Variants in SKAP2 observed in about 807,000 individuals in gnomAD.
SKAP2 encodes the protein src kinase associated phosphoprotein 2, also known as src kinase-associated phosphoprotein 2.
Under a neutral mutation model 54.9 loss-of-function variants are expected in SKAP2, and 28 were observed. The ratio of observed to expected loss-of-function variants is 0.51; its 90% CI spans 0.38 to 0.70. The LOEUF (loss-of-function observed/expected upper bound fraction) is 0.70. Ranked by LOEUF, SKAP2 falls within the 30% of genes least tolerant of loss-of-function variation. The pLI is 0.00. For missense variants in SKAP2, 356 were observed against 424.1 expected (o/e 0.84, Z 1.41); for synonymous variants, 137 against 134.3 (o/e 1.02, Z -0.14).
intron 4 of SKAP2, among the ~76,000 whole-genome samples, chr7:26,831,576 T>C (rs1245467668): frequency 1.3e-5 from 2 of 152,168 alleles, no homozygotes; most frequent in South Asian, 2.1e-4. Flanking sequence ...ACATTTAATA[T>C]GTCTTTACTA....
chr7:26,852,208 G>A (rs994057696), intron 3 of SKAP2, among the ~76,000 whole-genome samples: 3 of 152,050 alleles, frequency 2.0e-5, no homozygotes, highest in African/African-American at 7.2e-5. Context: ...CCACCAAAAC[G>A]TACTTAGAAT....
chr7:26,769,402 G>A (rs1407875823), intron 4 of SKAP2, among the ~76,000 whole-genome samples: 2 of 152,136 alleles, frequency 1.3e-5, no homozygotes, highest in African/African-American at 2.4e-5. Context: ...GTTAGAGCAT[G>A]CTCCTTTAGG....
chr7:26,689,728 A>C (rs1449935909), intron 10 of SKAP2, among the ~76,000 whole-genome samples: 2 of 152,170 alleles, frequency 1.3e-5, no homozygotes, highest in Non-Finnish European at 2.9e-5. Context: ...TAGCAGTCTT[A>C]AGTTTATCTG....
In SKAP2 at chr7:26,667,386, ACT is replaced by A. The variant is rs1025086406; in HGVS notation, c.*2278_*2279del. On this transcript the variant is annotated 3_prime_UTR_variant, in exon 13 of 13. Coordinates refer to ENST00000345317, the MANE Select transcript of SKAP2 (RefSeq NM_003930.5). ...ATATATTGTCAAGGGTGTAAAGAAA[ACT>A]CTCCCTGGTTTGTATACAAATGATT... 2 of 151,956 alleles carry A rather than the reference ACT, an allele frequency of 1.3e-5. No homozygotes were observed. The highest frequency in any genetic ancestry group is 4.8e-5 in the African/African-American group (2 of 41,366). The allele number at this position is 151,956 out of a possible 1,614,324, so 9.4% of individuals were successfully genotyped here.
chr7:26,785,134 T>C (rs1371631598), intron 4 of SKAP2, among the ~76,000 whole-genome samples: 2 of 152,146 alleles, frequency 1.3e-5, no homozygotes, highest in African/African-American at 4.8e-5. Context: ...TCTTTCAATA[T>C]ACCCAAGTTC....
chr7:26,703,122 T>C (rs1787078690), intron 9 of SKAP2, among the ~76,000 whole-genome samples: 1 of 152,224 alleles, frequency 6.6e-6, no homozygotes, highest in African/African-American at 2.4e-5. Flanking sequence ...CAGAGCCGTA[T>C]CTTCGAAGGC....
At chr7:26,837,899 CTT>C (rs1223469538) in intron 4 of SKAP2, among the ~76,000 whole-genome samples, 2 of 151,496 alleles carry the variant, frequency 1.3e-5, no homozygotes, top group Admixed American at 1.3e-4. Flanking sequence ...AAAAGTAACT[CTT>C]TTAAGAGCAG....
At chr7:26,795,844 C>T (rs1783765907) in intron 4 of SKAP2, among the ~76,000 whole-genome samples, 1 of 152,166 alleles carries the variant, frequency 6.6e-6, no homozygotes, top group Non-Finnish European at 1.5e-5. Context: ...TTAGGAATGG[C>T]TCCTTGATAA....
In SKAP2 at chr7:26,725,420, G is replaced by A. The variant is rs1336895979; in HGVS notation, c.796+8C>T. 4 of 1,602,866 alleles carry A rather than the reference G, an allele frequency of 2.5e-6. No individual in the cohort carries two copies. In the South Asian group the frequency reaches 4.4e-5, roughly 18 times the overall value. On this transcript the variant is annotated splice_region_variant and intron_variant, in intron 9 of 12. Transcript: ENST00000345317. ...AAATCTTTAAATGAATCACCAGAAAGTAAATACCTGGAAGTTCTTCATAAA... is the reference window on the plus strand; with the variant it reads ...AAATCTTTAAATGAATCACCAGAAAATAAATACCTGGAAGTTCTTCATAAA...
intron 6 of SKAP2, among the ~76,000 whole-genome samples, chr7:26,736,079 G>A (rs1584359190): frequency 6.6e-6 from 1 of 152,110 alleles, no homozygotes; most frequent in African/African-American, 2.4e-5. Context: ...TTTTAAAGTG[G>A]AAGTGTCAGA....
At chr7:26,670,569 T>C (rs1786206055) in intron 11 of SKAP2, among the ~76,000 whole-genome samples, 1 of 152,020 alleles carries the variant, frequency 6.6e-6, no homozygotes, top group Non-Finnish European at 1.5e-5. Context: ...AGCTATTATA[T>C]TTGCCTTCAA....
At chr7:26,657,934 C>T in the SKAP2 span, among the ~76,000 whole-genome samples, 1 of 151,994 alleles carries the variant, frequency 6.6e-6, no homozygotes, top group Non-Finnish European at 1.5e-5. Flanking sequence ...GCTCTGGAGA[C>T]CTGACACAGG....
intron 4 of SKAP2, among the ~76,000 whole-genome samples, chr7:26,742,797 T>C (rs1052300123): frequency 1.3e-5 from 2 of 152,150 alleles, no homozygotes; most frequent in Non-Finnish European, 2.9e-5. Flanking sequence ...GAAGAACCAT[T>C]TGGTTTGTAT....
In SKAP2 at chr7:26,725,982, G is replaced by A. The variant is rs868153077; in HGVS notation, c.599C>T (p.Thr200Ile). ...SAPDKRIYQF[T>I]AASPKDAEEW... is the part of the protein sequence containing the mutation. Reference sequence around the variant, plus strand: ...TTCAGCATCTTTGGGAGAAGCTGCTGTAAACTAATATAAAACAAACAGTAA... The same window carrying A: ...TTCAGCATCTTTGGGAGAAGCTGCTATAAACTAATATAAAACAAACAGTAA... Residue 200 changes from threonine (T) to isoleucine (I), a missense_variant, in exon 8 of 13, where the codon ACA becomes ATA. Coordinates refer to ENST00000345317, the MANE Select transcript of SKAP2 (RefSeq NM_003930.5). 1.2e-6 allele frequency: 2 copies of A among 1,606,032 alleles called. No individual in the cohort carries two copies. Among genetic ancestry groups the A allele is most frequent in the Non-Finnish European group, 8.5e-7 (1 of 1,174,444 alleles).
Position 26,842,368 on chromosome 7 carries a change from A to C in SKAP2, c.307+1662T>G, listed in dbSNP as rs556445526. 2.6e-5 allele frequency among the ~76,000 whole-genome samples: 4 copies of C among 151,698 alleles called. No homozygotes were observed. The South Asian group carries it at 6.2e-4, about 24-fold the overall frequency. ...TATTTTGTTATAAAAATATATGATA[A>C]ATTATTTACTATTAAAAAGAAAACA... On this transcript the variant is annotated intron_variant, in intron 4 of 12. Transcript: ENST00000345317.
intron 4 of SKAP2, among the ~76,000 whole-genome samples, chr7:26,766,819 G>A (rs540466283): frequency 9.2e-5 from 14 of 152,230 alleles, no homozygotes; most frequent in South Asian, 4.1e-4. Context: ...GGATGAAGCC[G>A]ACTTGATCAT....
intron 4 of SKAP2, among the ~76,000 whole-genome samples, chr7:26,791,842 A>G (rs1783678851): frequency 6.6e-6 from 1 of 152,194 alleles, no homozygotes; most frequent in South Asian, 2.1e-4. Flanking sequence ...GGATACAGCA[A>G]TTCCACTCCA....
At chr7:26,841,673 T>C (rs3801815) in intron 4 of SKAP2, among the ~76,000 whole-genome samples, 32,217 of 151,812 alleles carry the variant, frequency 0.21, 3,476 homozygotes, top group Non-Finnish European at 0.24. Flanking sequence ...ACCAGAGGAA[T>C]AGAGAAAAAT....
At chr7:26,726,827 A>G (rs1787719927) in intron 7 of SKAP2, 55 bp downstream of exon 7, 1 of 1,445,286 alleles carries the variant, frequency 6.9e-7, no homozygotes, top group African/African-American at 1.4e-5. Context: ...TGTCTCTATA[A>G]ATGAAATCAA....
Sources: allele counts gnomAD v4.1 joint callset (sites outside exome capture counted in the v4.1 genomes callset), GRCh38; gene constraint gnomAD v4.1.1; transcripts MANE v1.5; gene names NCBI Gene and HGNC (gene_info 2026-07-23, HGNC 2026-07-21).